Variants in RING1 observed in about 807,000 individuals in gnomAD.
RING1 encodes the protein E3 ubiquitin-protein ligase RING1.
A neutral mutation model predicts 35.0 loss-of-function variants in RING1; 8 were observed. The observed-to-expected ratio is 0.23, with a 90% CI of 0.13 to 0.41. The LOEUF (loss-of-function observed/expected upper bound fraction) is 0.41. Among genes scored for constraint, RING1 ranks in the 10% least tolerant of loss-of-function variants. The pLI is 1.00. For synonymous variants in RING1, 214 were observed against 224.3 expected, an observed-to-expected ratio of 0.95 and a Z score of 0.41; for missense variants, 343 against 546.8, an observed-to-expected ratio of 0.63 and a Z score of 3.72.
rs1775490930 is a variant in RING1, at chr6:33,211,076, T to C, written c.456-82T>C. 1.4e-6 allele frequency: 2 copies of C among 1,438,086 alleles called. No individual in the cohort carries two copies. Among genetic ancestry groups the C allele is most frequent in the Non-Finnish European group, 1.9e-6 (2 of 1,072,672 alleles). The allele number at this position is 1,438,086 out of a possible 1,614,324, so 89.1% of individuals were successfully genotyped here. A position where few individuals can be genotyped will look rare whatever the true frequency, so the allele number is the denominator to read the frequency against. On this transcript the variant is annotated intron_variant, in intron 4 of 6. Coordinates refer to ENST00000374656, the MANE Select transcript of RING1 (RefSeq NM_002931.4). This position sits in a 1 kb window ranked among gnomAD's most constrained non-coding sequence, Gnocchi z 6.3. ...TATTAGGTATCGTCATTAGGATTTT[T>C]CTTATCTCTTAATTCTCTGAAGTTT...
rs138399139 is a variant in RING1 at position 33,209,960 on chromosome 6, A to T, written c.285A>T (p.Arg95=). The T allele has an allele frequency of 1.9e-4, 311 of 1,614,064 alleles. No individual in the cohort carries two copies. Among genetic ancestry groups the T allele is most frequent in the Middle Eastern group, 3.3e-4 (2 of 6,084 alleles). The change falls in exon 4 of 7, where the codon CGA becomes CGT. Residue 95 remains arginine (R), a synonymous_variant. Coordinates refer to ENST00000374656, the MANE Select transcript of RING1 (RefSeq NM_002931.4). The surrounding 1 kb of genome is among the most constrained non-coding windows in gnomAD (Gnocchi z 5.1). ...PTCRKKLVSK[R]SLRPDPNFDA... ...GCCGAAAGAAGCTGGTGTCCAAGCG[A>T]TCCCTACGGCCAGACCCCAACTTTG...
At position 33,209,171 on chromosome 6, in the gene RING1, A is replaced by T. The variant is rs1446697862; in HGVS notation, c.78+271A>T. On this transcript the variant is annotated intron_variant, in intron 2 of 6. Transcript: ENST00000374656. The surrounding 1 kb of genome is among the most constrained non-coding windows in gnomAD (Gnocchi z 5.1). ...TCCCTGTTCCTCATTCAGTGTCATA[A>T]GTCAGTGCACATAAGACTCACTTTG... is the stretch of plus-strand genomic sequence containing the variant. 1.5e-6 allele frequency: 1 copy of T among 680,936 alleles called. No homozygotes were observed. The highest frequency in any genetic ancestry group is 2.0e-5 in the Admixed American group (1 of 49,016). 42.2% of individuals were successfully genotyped at this position (680,936 alleles called of 1,614,324 possible). A position where few individuals can be genotyped will look rare whatever the true frequency, so the allele number is the denominator to read the frequency against.
Position 33,209,414 on chromosome 6 carries a change from G to A in RING1, c.79-212G>A, listed in dbSNP as rs1376212826. ...CCACCTCAGATCCTCCTATTCCAAA[G>A]CTCCTACTCTTAGTTAATGGACACT... On this transcript the variant is annotated intron_variant, in intron 2 of 6. Coordinates refer to ENST00000374656, the MANE Select transcript of RING1 (RefSeq NM_002931.4). This position sits in a 1 kb window ranked among gnomAD's most constrained non-coding sequence, Gnocchi z 5.1. The A allele has an allele frequency of 1.2e-5, 7 of 603,092 alleles. No homozygotes were observed. Among genetic ancestry groups the A allele is most frequent in the Middle Eastern group, 3.4e-4 (1 of 2,900 alleles). 37.4% of individuals were successfully genotyped at this position (603,092 alleles called of 1,614,324 possible).
rs1775609232 is a variant in RING1 at position 33,212,374 on chromosome 6, A to G, written c.1196A>G (p.Tyr399Cys). The change falls in exon 7 of 7, where the codon TAT becomes TGT. Residue 399 changes from tyrosine to cysteine, a missense_variant. Tyr to Cys is a radical substitution (Grantham distance 194, BLOSUM62 -2). Transcript: ENST00000374656. The stretch of plus-strand genomic sequence containing the variant: ...GTGTCCCGGCCACTGGAGCTGTGCT[A>G]TGCTCCCACCAAGGATCCAAAGTGA... ...WKVSRPLELC[Y>C]APTKDPK 6.3e-7 allele frequency: 1 copy of G among 1,592,894 alleles called. No homozygotes were observed.
At chr6:33,212,114 T>G in intron 6 of RING1, 112 bp downstream of exon 6, 1 of 893,070 alleles carries the variant, frequency 1.1e-6, no homozygotes, top group Non-Finnish European at 1.7e-6. Flanking sequence ...CTATACATCC[T>G]CTATCTCTTT....
Position 33,211,963 on chromosome 6 carries a change from G to A in RING1, c.1080G>A (p.Gln360=), listed in dbSNP as rs371574266. 17 of 1,579,798 alleles carry A rather than the reference G, an allele frequency of 1.1e-5. No individual in the cohort carries two copies. In the African/African-American group the frequency reaches 2.2e-4, roughly 20 times the overall value. ...GCCTGGAGGGCGTCAGTGAAAAGCA[G>A]TACACCATCTACATCGCACCTGGAG... ...LPSLEGVSEK[Q]YTIYIAPGGG... Residue 360 remains glutamine (Q), a synonymous_variant, in exon 6 of 7, where the codon CAG becomes CAA. Coordinates refer to ENST00000374656, the MANE Select transcript of RING1 (RefSeq NM_002931.4). The surrounding 1 kb of genome is among the most constrained non-coding windows in gnomAD (Gnocchi z 6.3).
intron 6 of RING1, 28 bp from the exon 7 acceptor site, chr6:33,212,270 C>T (rs761130056): frequency 4.1e-6 from 6 of 1,454,262 alleles, no homozygotes; most frequent in East Asian, 4.9e-5. Context: ...CTCTCTTTTC[C>T]CCTCTCTCCC....
At position 33,208,756 on chromosome 6, in the gene RING1, C is replaced by T. The variant is rs1319121820; in HGVS notation, c.-58-9C>T. On this transcript the variant is annotated splice_polypyrimidine_tract_variant and intron_variant, in intron 1 of 6. Transcript: ENST00000374656. This position sits in a 1 kb window ranked among gnomAD's most constrained non-coding sequence, Gnocchi z 6.2. ...CCTGACGCCCTCCTCCCCTTCCCCCCACCCCCAGCCTTCTTCGCCTTCTCC... is the reference window on the plus strand; with the variant it reads ...CCTGACGCCCTCCTCCCCTTCCCCCTACCCCCAGCCTTCTTCGCCTTCTCC... 1.3e-5 allele frequency: 17 copies of T among 1,337,656 alleles called. No homozygotes were observed. Among genetic ancestry groups the T allele is most frequent in the Non-Finnish European group, 1.7e-5 (17 of 994,216 alleles). 82.9% of individuals were successfully genotyped at this position (1,337,656 alleles called of 1,614,324 possible). A position where few individuals can be genotyped will look rare whatever the true frequency, so the allele number is the denominator to read the frequency against.
chr6:33,211,554 A>C lies in RING1; in HGVS notation c.845+7A>C. On this transcript the variant is annotated splice_region_variant and intron_variant, in intron 5 of 6. Coordinates refer to ENST00000374656, the MANE Select transcript of RING1 (RefSeq NM_002931.4). This position sits in a 1 kb window ranked among gnomAD's most constrained non-coding sequence, Gnocchi z 6.3. ...GAGAATACTGCCAGACGAGGTGAGGAGCCCTGTCTTTCCCCAGCCACTGAG... is the reference window on the plus strand; with the variant it reads ...GAGAATACTGCCAGACGAGGTGAGGCGCCCTGTCTTTCCCCAGCCACTGAG... 6.3e-7 allele frequency: 1 copy of C among 1,598,144 alleles called. No homozygotes were observed. The highest frequency in any genetic ancestry group is 8.5e-7 in the Non-Finnish European group (1 of 1,175,858).
chr6:33,210,213 C>T, intron 4 of RING1, 83 bp downstream of exon 4: 1 of 1,267,154 alleles, frequency 7.9e-7, no homozygotes, highest in South Asian at 1.2e-5. Flanking sequence ...TAAGCCTCAG[C>T]ATCCTAGGAG....
Position 33,212,577 on chromosome 6 carries a change from G to C in RING1, c.*178G>C. 1.9e-6 allele frequency: 1 copy of C among 518,530 alleles called. No homozygotes were observed. Among genetic ancestry groups the C allele is most frequent in the Non-Finnish European group, 3.4e-6 (1 of 293,018 alleles). 32.1% of individuals were successfully genotyped at this position (518,530 alleles called of 1,614,324 possible). A position where few individuals can be genotyped will look rare whatever the true frequency, so the allele number is the denominator to read the frequency against. ...ATGAGATTCTTCTATATTGTACAGA[G>C]TGGGGCAAAACACGCCCCCATCTGC... On this transcript the variant is annotated 3_prime_UTR_variant, in exon 7 of 7. Coordinates refer to ENST00000374656, the MANE Select transcript of RING1 (RefSeq NM_002931.4).
In RING1 at chr6:33,211,466, C is replaced by T. The variant is rs769288897; in HGVS notation, c.764C>T (p.Pro255Leu). Residue 255 changes from proline (P) to leucine (L), a missense_variant, in exon 5 of 7, where the codon CCC (proline) becomes CTC (leucine). Pro to Leu is a moderately conservative substitution (Grantham distance 98). Transcript: ENST00000374656. This position sits in a 1 kb window ranked among gnomAD's most constrained non-coding sequence, Gnocchi z 6.3. ...GPPSPPGAPS[P>L]PEPGGEIELV... ...CCAAGCCCTCCTGGGGCCCCCAGCC[C>T]CCCAGAGCCAGGTGGAGAAATTGAG... The T allele has an allele frequency of 2.5e-6, 4 of 1,605,392 alleles. No homozygotes were observed. The Admixed American group carries it at 5.1e-5, about 20-fold the overall frequency.
chr6:33,209,147 C>T lies in RING1; in HGVS notation c.78+247C>T, dbSNP rs1775360196. The T allele has an allele frequency of 1.4e-6, 1 of 692,798 alleles. No homozygotes were observed. The highest frequency in any genetic ancestry group is 2.6e-6 in the Non-Finnish European group (1 of 379,332). The allele number at this position is 692,798 out of a possible 1,614,324, so 42.9% of individuals were successfully genotyped here. On this transcript the variant is annotated intron_variant, in intron 2 of 6. Coordinates refer to ENST00000374656, the MANE Select transcript of RING1 (RefSeq NM_002931.4). This position sits in a 1 kb window ranked among gnomAD's most constrained non-coding sequence, Gnocchi z 5.1. Reference sequence around the variant, plus strand: ...AGATCACAAACACAAAAATTACCTTCCCTGTTCCTCATTCAGTGTCATAAG... The same window carrying T: ...AGATCACAAACACAAAAATTACCTTTCCTGTTCCTCATTCAGTGTCATAAG...
chr6:33,208,984 A>G lies in RING1; in HGVS notation c.78+84A>G. On this transcript the variant is annotated intron_variant, in intron 2 of 6. Transcript: ENST00000374656. The surrounding 1 kb of genome is among the most constrained non-coding windows in gnomAD (Gnocchi z 6.2). ...CCGCATCACACAGCTTCTTTTCCGT[A>G]ATTTGCTCTATTCTGCCTTGCCTGG... 8.6e-7 allele frequency: 1 copy of G among 1,164,268 alleles called. No homozygotes were observed. The highest frequency in any genetic ancestry group is 1.3e-6 in the Non-Finnish European group (1 of 792,114). 72.1% of individuals were successfully genotyped at this position (1,164,268 alleles called of 1,614,324 possible).
chr6:33,211,629 C>G lies in RING1; in HGVS notation c.845+82C>G, dbSNP rs1775544175. 6.4e-7 allele frequency: 1 copy of G among 1,559,740 alleles called. No homozygotes were observed. Among genetic ancestry groups the G allele is most frequent in the Non-Finnish European group, 8.6e-7 (1 of 1,157,368 alleles). ...ATCAGAAGTGGGCTTTGCCCAAACCCAAAATACCACCCCAACCCAGAATCC... is the reference window on the plus strand; with the variant it reads ...ATCAGAAGTGGGCTTTGCCCAAACCGAAAATACCACCCCAACCCAGAATCC... On this transcript the variant is annotated intron_variant, in intron 5 of 6. Coordinates refer to ENST00000374656, the MANE Select transcript of RING1 (RefSeq NM_002931.4). This position sits in a 1 kb window ranked among gnomAD's most constrained non-coding sequence, Gnocchi z 6.3.
At chr6:33,210,203 T>A in intron 4 of RING1, 73 bp downstream of exon 4, 1 of 1,366,590 alleles carries the variant, frequency 7.3e-7, no homozygotes, top group Non-Finnish European at 1.0e-6. Context: ...TGCTAGCTTC[T>A]AAGCCTCAGC....
chr6:33,212,679 G>A lies in RING1; in HGVS notation c.*280G>A, dbSNP rs972184318. The A allele has an allele frequency of 3.4e-5, 12 of 351,172 alleles. No homozygotes were observed. The highest frequency in any genetic ancestry group is 4.5e-5 in the Admixed American group (1 of 22,104). 21.8% of individuals were successfully genotyped at this position (351,172 alleles called of 1,614,324 possible). A position where few individuals can be genotyped will look rare whatever the true frequency, so the allele number is the denominator to read the frequency against. On this transcript the variant is annotated 3_prime_UTR_variant, in exon 7 of 7. Coordinates refer to ENST00000374656, the MANE Select transcript of RING1 (RefSeq NM_002931.4). Reference sequence around the variant, plus strand: ...GTGAAGAACCCTCCCATTCACGCCCGCCTACCAACAACAAACGTGCTTTTT... The same window carrying A: ...GTGAAGAACCCTCCCATTCACGCCCACCTACCAACAACAAACGTGCTTTTT...
In RING1 at chr6:33,209,079, C is replaced by T. The variant is rs1371608724; in HGVS notation, c.78+179C>T. 2 of 710,992 alleles carry T rather than the reference C, an allele frequency of 2.8e-6. No individual in the cohort carries two copies. The highest frequency in any genetic ancestry group is 2.0e-5 in the Admixed American group (1 of 50,014). 44.0% of individuals were successfully genotyped at this position (710,992 alleles called of 1,614,324 possible). A position where few individuals can be genotyped will look rare whatever the true frequency, so the allele number is the denominator to read the frequency against. On this transcript the variant is annotated intron_variant, in intron 2 of 6. Coordinates refer to ENST00000374656, the MANE Select transcript of RING1 (RefSeq NM_002931.4). The surrounding 1 kb of genome is among the most constrained non-coding windows in gnomAD (Gnocchi z 5.1). ...TTAGCTCATTTAATCCTCAAAACAG[C>T]CCTGCCAGAGAGGTGGAACAAGTAT...
chr6:33,209,933 C>T lies in RING1; in HGVS notation c.258C>T (p.Thr86=), dbSNP rs145844429. The stretch of plus-strand genomic sequence containing the variant: ...ACCCCAGGAACAAGGAGTGTCCTAC[C>T]TGCCGAAAGAAGCTGGTGTCCAAGC... ...ALRSGNKECP[T]CRKKLVSKRS... The change falls in exon 4 of 7, where the codon ACC becomes ACT. Residue 86 remains threonine (T), a synonymous_variant. Coordinates refer to ENST00000374656, the MANE Select transcript of RING1 (RefSeq NM_002931.4). This position sits in a 1 kb window ranked among gnomAD's most constrained non-coding sequence, Gnocchi z 5.1. 2.0e-4 allele frequency: 318 copies of T among 1,614,226 alleles called. 1 individual carries two copies. In the African/African-American group the frequency reaches 3.5e-3, roughly 18 times the overall value.
Sources: gnomAD v4.1 joint callset for allele counts on GRCh38, gnomAD v4.1.1 for gene constraint, Gnocchi (gnomAD v3.1) non-coding constraint, MANE v1.5 for transcripts, NCBI Gene and HGNC (gene_info 2026-07-23, HGNC 2026-07-21) for gene names.